The following PLEC variants were observed in gnomAD, a reference collection of about 807,000 sequenced individuals.
PLEC encodes hemidesmosomal protein 1.
In PLEC, 216 loss-of-function variants were observed where a neutral mutation model predicts 392.8. The observed-to-expected ratio is 0.55, with a 90% CI of 0.49 to 0.62. The LOEUF (loss-of-function observed/expected upper bound fraction) is 0.62, where lower values mean the gene tolerates loss of function less well. PLEC is among the 20% of genes least tolerant of loss of function. The pLI is 0.00. For missense variants in PLEC, 6,863 were observed against 6,563.4 expected, an observed-to-expected ratio of 1.05 and a Z score of -1.58; for synonymous variants, 3,621 against 2,980.6, an observed-to-expected ratio of 1.21 and a Z score of -7.00.
chr8:143,951,996 C>G (rs1267920249), upstream of PLEC, among the ~76,000 whole-genome samples: 1 of 152,208 alleles, frequency 6.6e-6, no homozygotes, highest in East Asian at 1.9e-4. Flanking sequence ...CCCAAGCCGA[C>G]ACACCCCTTC....
chr8:143,942,173 CCCCCTCCAGCCCCTT>C (rs1335757426), upstream of PLEC, among the ~76,000 whole-genome samples: 2 of 150,302 alleles, frequency 1.3e-5, no homozygotes, highest in South Asian at 2.1e-4. Context: ...TCCAGCCCCG[CCCCCTCCAGCCCCTT>C]CTCTAGAGAC....
upstream of PLEC, among the ~76,000 whole-genome samples, chr8:143,957,021 A>G (rs1832630053): frequency 6.6e-6 from 1 of 152,182 alleles, no homozygotes; most frequent in Non-Finnish European, 1.5e-5. Context: ...CGTAGAGGAA[A>G]CAAGTCCAGG....
At chr8:143,959,942 A>G (rs1293988399) in intron 1 of PLEC, among the ~76,000 whole-genome samples, 3 of 150,776 alleles carry the variant, frequency 2.0e-5, no homozygotes, top group Admixed American at 6.6e-5. Flanking sequence ...TCATGCCACT[A>G]CACTCCAGCT....
chr8:143,958,630 G>A (rs868931515), upstream of PLEC: 30 of 450,690 alleles, frequency 6.7e-5, no homozygotes, highest in Middle Eastern at 2.9e-3. The surrounding 1 kb of genome is among the most constrained non-coding windows in gnomAD (Gnocchi z 4.9). Flanking sequence ...AGTGCTCTCC[G>A]AGCACAAGCA....
rs528767533 is a variant in PLEC, at chr8:143,930,540, T to G, written c.2305-4A>C. On this transcript the variant is annotated splice_region_variant and splice_polypyrimidine_tract_variant and intron_variant, in intron 19 of 31. Coordinates refer to ENST00000345136, the MANE Select transcript of PLEC (RefSeq NM_201384.3). ...CGTTCAGCTGTTCCTTCTCGTCCTG[T>G]GGGGGAGGGGCAGCATCCAGACGAG... 37 of 1,584,626 alleles carry G rather than the reference T, an allele frequency of 2.3e-5. No homozygotes were observed. The South Asian group carries it at 3.7e-4, about 16-fold the overall frequency.
intron 1 of PLEC, chr8:143,946,610 C>G: frequency 3.1e-6 from 1 of 318,030 alleles, no homozygotes; most frequent in South Asian, 2.3e-5. Flanking sequence ...GGGGACTGGC[C>G]TGCCTGCAAT....
At position 143,937,194 on chromosome 8, in the gene PLEC, T is replaced by C; in HGVS notation, c.313A>G (p.Ile105Val). ...CGGTGCCGGAGGTAGTCCAGGGCAA[T>C]CTGGACATTCTGCAGCTTGTGGAAA... ...MRFHKLQNVQ[I>V]ALDYLRHRQV... is the part of the protein sequence containing the mutation. The change falls in exon 4 of 32, where the codon ATT (isoleucine) becomes GTT (valine). Residue 105 changes from isoleucine to valine, a missense_variant. Physicochemically the swap from Ile to Val is conservative, Grantham distance 29 (BLOSUM62 3). Coordinates refer to ENST00000345136, the MANE Select transcript of PLEC (RefSeq NM_201384.3). 1 of 1,612,604 alleles carries C rather than the reference T, an allele frequency of 6.2e-7. No homozygotes were observed. Among genetic ancestry groups the C allele is most frequent in the Non-Finnish European group, 8.5e-7 (1 of 1,179,718 alleles).
chr8:143,960,092 G>C (rs1564224915), intron 1 of PLEC, among the ~76,000 whole-genome samples: 1 of 152,168 alleles, frequency 6.6e-6, no homozygotes, highest in Admixed American at 6.6e-5. Context: ...AGACCAGCCT[G>C]ACCAACATGG....
At chr8:143,934,204 AGGCGAGT>A in intron 11 of PLEC, 107 bp downstream of exon 11, 1 of 1,591,702 alleles carries the variant, frequency 6.3e-7, no homozygotes, top group Non-Finnish European at 8.6e-7. Flanking sequence ...CACTGTCCTA[AGGCGAGT>A]GGGAGCTTGG....
Position 143,922,072 on chromosome 8 carries a change from C to T in PLEC, c.7749G>A (p.Gln2583=), listed in dbSNP as rs782715650. 1.9e-6 allele frequency: 3 copies of T among 1,580,912 alleles called. No individual in the cohort carries two copies. Among genetic ancestry groups the T allele is most frequent in the South Asian group, 1.1e-5 (1 of 88,956 alleles). ...GGTTCTCCTCAGCCAGCAGCTCCTC[C>T]TGCTGCCGCCGCTGCTGCTCCAGCT... The part of the protein sequence containing the change: ...LQQLEQQRRQ[Q]EELLAEENQR... Residue 2583 remains glutamine, a synonymous_variant, in exon 32 of 32, where the codon CAG becomes CAA. Transcript: ENST00000345136.
At chr8:143,935,423 C>T (rs914477978) in intron 6 of PLEC, 110 bp from the exon 7 acceptor site, 4 of 767,952 alleles carry the variant, frequency 5.2e-6, no homozygotes, top group African/African-American at 3.4e-5. Context: ...ATGGACCCCC[C>T]CAACACTCAC....
At position 143,921,722 on chromosome 8, in the gene PLEC, C is replaced by G; in HGVS notation, c.8099G>C (p.Gly2700Ala). 1 of 1,612,912 alleles carries G rather than the reference C, an allele frequency of 6.2e-7. No individual in the cohort carries two copies. The highest frequency in any genetic ancestry group is 8.5e-7 in the Non-Finnish European group (1 of 1,179,896). ...HYLQGRSSIAGLLLKATNEKL... is the reference protein window; with the variant it reads ...HYLQGRSSIAALLLKATNEKL... ...CTCATTGGTGGCCTTCAGCAACAGC[C>G]CTGCGATACTGCTGCGGCCCTGCAG... Residue 2700 changes from glycine to alanine, a missense_variant, in exon 32 of 32, where the codon GGG becomes GCG. By Grantham distance (60) the Gly-to-Ala change is moderately conservative (BLOSUM62 0). Transcript: ENST00000345136.
chr8:143,921,174 G>A lies in PLEC; in HGVS notation c.8647C>T (p.Pro2883Ser), dbSNP rs1317483582. 7 of 1,613,742 alleles carry A rather than the reference G, an allele frequency of 4.3e-6. No homozygotes were observed. The African/African-American group carries it at 9.3e-5, about 22-fold the overall frequency. The part of the protein sequence containing the change: ...EDPETGLCLL[P>S]LTDKAAKGGE... ...CCCTTGGCAGCCTTATCCGTGAGTG[G>A]CAGAAGGCACAGGCCCGTCTCGGGG... The change falls in exon 32 of 32, where the codon CCA becomes TCA. Residue 2883 changes from proline (P) to serine (S), a missense_variant. Coordinates refer to ENST00000345136, the MANE Select transcript of PLEC (RefSeq NM_201384.3).
rs1554684288 is a variant in PLEC at position 143,921,173 on chromosome 8, G to A, written c.8648C>T (p.Pro2883Leu). ...GCCCTTGGCAGCCTTATCCGTGAGT[G>A]GCAGAAGGCACAGGCCCGTCTCGGG... is the stretch of plus-strand genomic sequence containing the variant. ...EDPETGLCLL[P>L]LTDKAAKGGE... Residue 2883 changes from proline to leucine, a missense_variant, in exon 32 of 32, where the codon CCA becomes CTA. Transcript: ENST00000345136. 1 of 1,613,914 alleles carries A rather than the reference G, an allele frequency of 6.2e-7. No homozygotes were observed. The highest frequency in any genetic ancestry group is 1.7e-5 in the Admixed American group (1 of 60,034).
chr8:143,970,454 C>T (rs1833366253), intron 1 of PLEC, among the ~76,000 whole-genome samples: 1 of 152,144 alleles, frequency 6.6e-6, no homozygotes, highest in South Asian at 2.1e-4. Context: ...GGAGCTCAGA[C>T]TGAGATTTCC....
chr8:143,975,158 C>G (rs202094212), upstream of PLEC: 29 of 1,596,390 alleles, frequency 1.8e-5, no homozygotes, highest in Non-Finnish European at 2.1e-5. The surrounding 1 kb of genome is among the most constrained non-coding windows in gnomAD (Gnocchi z 9.9). Flanking sequence ...GGTGCACAGG[C>G]AAGGCCCTGC....
At chr8:143,964,941 C>T (rs1361160355) in intron 1 of PLEC, among the ~76,000 whole-genome samples, 1 of 152,144 alleles carries the variant, frequency 6.6e-6, no homozygotes, top group African/African-American at 2.4e-5. Flanking sequence ...CCTCCTTCTG[C>T]TCCTGCAGAC....
upstream of PLEC, chr8:143,975,118 G>A (rs1833613173): frequency 1.3e-5 from 21 of 1,555,638 alleles, no homozygotes; most frequent in East Asian, 3.1e-4. This position sits in a 1 kb window ranked among gnomAD's most constrained non-coding sequence, Gnocchi z 9.9. Flanking sequence ...AGCACGCAGC[G>A]GGAACTCAGT....
At chr8:143,946,244 A>T in intron 1 of PLEC, 1 of 813,200 alleles carries the variant, frequency 1.2e-6, no homozygotes. Flanking sequence ...CCTGCATCCC[A>T]GGTCTGACGG....
Sources: gnomAD v4.1 joint callset for allele counts (sites outside exome capture counted in the v4.1 genomes callset) on GRCh38, gnomAD v4.1.1 for gene constraint, Gnocchi (gnomAD v3.1) non-coding constraint, MANE v1.5 for transcripts, NCBI Gene and HGNC (gene_info 2026-07-23, HGNC 2026-07-21) for gene names.